PROCR: variants seen among roughly 807,000 people sequenced by gnomAD.
PROCR encodes the protein protein C receptor.
In PROCR, 22 loss-of-function variants were observed where a neutral mutation model predicts 24.2. The observed-to-expected ratio is 0.91, with a 90% confidence interval of 0.65 to 1.30. PROCR has a LOEUF of 1.30. PROCR is among the 50% of genes most tolerant of loss of function. The pLI, the probability that PROCR is intolerant of heterozygous loss-of-function variation, is 0.00. For missense variants in PROCR, 288 were observed against 307.7 expected, an observed-to-expected ratio of 0.94 and a Z score of 0.48; for synonymous variants, 137 against 139.2, an observed-to-expected ratio of 0.98 and a Z score of 0.11.
At chr20:35,203,421 T>A (rs768487807) in intron 1 of PROCR, 6 of 152,128 alleles carry the variant, frequency 3.9e-5, no homozygotes, top group Non-Finnish European at 8.8e-5. Context: ...GACTATAATA[T>A]AGTATAAACA....
intron 1 of PROCR, among the ~76,000 whole-genome samples, chr20:35,206,011 AT>A (rs1451948760): frequency 6.7e-6 from 1 of 149,882 alleles, no homozygotes; most frequent in African/African-American, 2.5e-5. Context: ...TCCAGAATTT[AT>A]TTTTTAACAT....
At chr20:35,172,000 T>C, upstream of PROCR, 2 of 723,332 alleles carry the variant, frequency 2.8e-6, no homozygotes, top group Non-Finnish European at 5.0e-6. Flanking sequence ...TTTATAAGCC[T>C]CTTCCTCCTC....
intron 1 of PROCR, 160 bp from the exon 2 acceptor site, chr20:35,174,542 T>C: frequency 4.6e-6 from 4 of 866,130 alleles, no homozygotes; most frequent in Non-Finnish European, 7.6e-6. Context: ...CCTGGCAGAG[T>C]TACTGTCAGC....
intron 1 of PROCR, among the ~76,000 whole-genome samples, chr20:35,185,170 C>A (rs1314024423): frequency 2.0e-5 from 3 of 151,786 alleles, no homozygotes; most frequent in Non-Finnish European, 4.4e-5. Flanking sequence ...AAATGCAAAT[C>A]AAAACCACAA....
chr20:35,207,883 A>G (rs964167452), intron 1 of PROCR, among the ~76,000 whole-genome samples: 1 of 151,238 alleles, frequency 6.6e-6, no homozygotes, highest in African/African-American at 2.4e-5. Context: ...CCTTCCACAA[A>G]ACCTAAACTT....
At chr20:35,190,351 C>T (rs1004847396) in intron 1 of PROCR, among the ~76,000 whole-genome samples, 8 of 152,188 alleles carry the variant, frequency 5.3e-5, no homozygotes, top group African/African-American at 1.9e-4. Flanking sequence ...ATACCCCACA[C>T]AGCAGAAGCT....
downstream of PROCR, among the ~76,000 whole-genome samples, chr20:35,178,762 A>G (rs1484928750): frequency 4.9e-5 from 7 of 141,904 alleles, no homozygotes; most frequent in Non-Finnish European, 1.1e-4. Context: ...TGATCCGCCC[A>G]CCTCGGCCTC....
intron 2 of PROCR, 38 bp from the exon 3 acceptor site, chr20:35,176,130 C>G: frequency 1.3e-6 from 2 of 1,598,858 alleles, no homozygotes; most frequent in Middle Eastern, 1.7e-4. Context: ...CTGGCACCCT[C>G]TCTGCACAGT....
intron 1 of PROCR, among the ~76,000 whole-genome samples, chr20:35,188,243 G>A (rs930767081): frequency 6.6e-6 from 1 of 152,170 alleles, no homozygotes; most frequent in Non-Finnish European, 1.5e-5. Flanking sequence ...GCAAAAGTGG[G>A]TAAAACATGA....
At chr20:35,185,033 A>C (rs1271230988) in intron 1 of PROCR, among the ~76,000 whole-genome samples, 1 of 30,558 alleles carries the variant, frequency 3.3e-5, no homozygotes. Context: ...AGTAAGACAA[A>C]AAAAAAAAAA....
intron 1 of PROCR, among the ~76,000 whole-genome samples, chr20:35,213,907 T>C (rs1485574799): frequency 6.8e-6 from 1 of 146,698 alleles, no homozygotes; most frequent in Non-Finnish European, 1.6e-5. Flanking sequence ...AAACACTGTC[T>C]CTACTAAAAA....
intron 1 of PROCR, among the ~76,000 whole-genome samples, chr20:35,207,431 T>A (rs1374459025): frequency 2.0e-5 from 3 of 151,828 alleles, no homozygotes; most frequent in Non-Finnish European, 4.4e-5. Flanking sequence ...TGAATATTTT[T>A]AAAAGCTTTT....
At chr20:35,195,417 G>A (rs1432332438) in intron 1 of PROCR, 1 of 152,188 alleles carries the variant, frequency 6.6e-6, no homozygotes, top group Non-Finnish European at 1.5e-5. Flanking sequence ...ACTGGGTAAT[G>A]TAGGCTGTCA....
At chr20:35,190,557 G>A (rs1322774752) in intron 1 of PROCR, among the ~76,000 whole-genome samples, 1 of 152,120 alleles carries the variant, frequency 6.6e-6, no homozygotes, top group Non-Finnish European at 1.5e-5. Flanking sequence ...CAAAAGCCCT[G>A]TAGTTTTTCT....
Position 35,177,183 on chromosome 20 carries a change from C to T in PROCR, c.*370C>T, listed in dbSNP as rs2086028710. On this transcript the variant is annotated 3_prime_UTR_variant, in exon 4 of 4. Transcript: ENST00000216968. ...AGATATAACCAAATAAACAAGTCAT[C>T]CACAATCAAAATACAACATTCAATA... 8.9e-7 allele frequency: 1 copy of T among 1,128,236 alleles called. No individual in the cohort carries two copies. The allele number at this position is 1,128,236 out of a possible 1,614,324, so 69.9% of individuals were successfully genotyped here. A position where few individuals can be genotyped will look rare whatever the true frequency, so the allele number is the denominator to read the frequency against.
chr20:35,212,467 G>A (rs751050182), intron 1 of PROCR, among the ~76,000 whole-genome samples: 5 of 152,136 alleles, frequency 3.3e-5, no homozygotes, highest in East Asian at 3.9e-4. Context: ...TGCAAATTAC[G>A]TAGCAGGTCC....
chr20:35,174,505 C>T (rs2085985475), intron 1 of PROCR, 197 bp from the exon 2 acceptor site: 5 of 688,062 alleles, frequency 7.3e-6, no homozygotes, highest in Non-Finnish European at 1.3e-5. Flanking sequence ...ATCTGTAAAA[C>T]GGAGATAATA....
chr20:35,188,915 C>T, intron 1 of PROCR, among the ~76,000 whole-genome samples: 1 of 152,184 alleles, frequency 6.6e-6, no homozygotes, highest in East Asian at 1.9e-4. Flanking sequence ...CCAATCAATA[C>T]TCTTATAATT....
chr20:35,205,419 C>T (rs1276089450), intron 1 of PROCR, among the ~76,000 whole-genome samples: 1 of 149,484 alleles, frequency 6.7e-6, no homozygotes, highest in Non-Finnish European at 1.5e-5. Context: ...AAAAATCTCT[C>T]AGCAAACTAG....
Sources: gnomAD v4.1 joint callset for allele counts (sites outside exome capture counted in the v4.1 genomes callset) on GRCh38, gnomAD v4.1.1 for gene constraint, MANE v1.5 for transcripts, NCBI Gene and HGNC (gene_info 2026-07-23, HGNC 2026-07-21) for gene names.